The following POLN variants were observed in gnomAD, a reference collection of about 807,000 sequenced individuals.
The protein encoded by POLN is DNA polymerase N.
A neutral mutation model predicts 113.5 loss-of-function variants in POLN; 108 were observed. That is an observed-to-expected ratio of 0.95 (90% CI 0.81 to 1.12). POLN has a LOEUF of 1.12. POLN is among the 50% of genes most tolerant of loss of function. The pLI is 0.00. For missense variants in POLN, 1,097 were observed against 1,077.1 expected (o/e 1.02, Z -0.26); for synonymous variants, 386 against 391.5 (o/e 0.99, Z 0.17).
chr4:2,156,042 C>G (rs890335361), intron 16 of POLN, among the ~76,000 whole-genome samples: 1 of 152,084 alleles, frequency 6.6e-6, no homozygotes, highest in Non-Finnish European at 1.5e-5. Context: ...ACCATATTGG[C>G]CAGGCTGGTC....
chr4:2,168,072 A>T (rs1167239842), intron 13 of POLN, among the ~76,000 whole-genome samples: 1 of 152,224 alleles, frequency 6.6e-6, no homozygotes, highest in Non-Finnish European at 1.5e-5. Context: ...TCAAAACTTG[A>T]AGGGTTCATT....
At chr4:2,131,125 C>G in intron 17 of POLN, 108 bp downstream of exon 17, 3 of 742,370 alleles carry the variant, frequency 4.0e-6, no homozygotes, top group Non-Finnish European at 6.7e-6. Flanking sequence ...GTCAAGGCTG[C>G]AGTGAGCTGT....
chr4:2,170,943 A>T (rs79239411), intron 12 of POLN, among the ~76,000 whole-genome samples, 155 bp downstream of exon 12: 6,130 of 152,292 alleles, frequency 0.04, 445 homozygotes, highest in African/African-American at 0.14. Context: ...GCTTTGAAGT[A>T]ATGAATCTCA....
At chr4:2,092,476 C>T (rs1021468741) in intron 20 of POLN, among the ~76,000 whole-genome samples, 3 of 152,164 alleles carry the variant, frequency 2.0e-5, no homozygotes, top group Non-Finnish European at 4.4e-5. Flanking sequence ...TGTGAGCCAG[C>T]CTCTGGGGTC....
At position 2,072,192 on chromosome 4, in the gene POLN, G is replaced by A; in HGVS notation, c.2625C>T (p.Ser875=). 1.2e-6 allele frequency: 2 copies of A among 1,610,972 alleles called. No individual in the cohort carries two copies. Among genetic ancestry groups the A allele is most frequent in the Non-Finnish European group, 1.7e-6 (2 of 1,178,510 alleles). ...PPGPCRTESP[S]NSLAAPGSPA... ...GGGACCCAGGGGCAGCCAGGCTGTT[G>A]CTGGGAGACTCAGTGCGACATGGGC... Residue 875 remains serine (S), a synonymous_variant, in exon 26 of 26, where the codon AGC becomes AGT. Coordinates refer to ENST00000511885, the MANE Select transcript of POLN (RefSeq NM_181808.4).
At position 2,157,824 on chromosome 4, in the gene POLN, C is replaced by G. The variant is rs1338953145; in HGVS notation, c.1665+34G>C. On this transcript the variant is annotated intron_variant, in intron 15 of 25. Coordinates refer to ENST00000511885, the MANE Select transcript of POLN (RefSeq NM_181808.4). ...TCTGAACTCATACAAAAACCACAGT[C>G]CTAATCACAGTATCTTTTTGTAAAG... 2.0e-6 allele frequency: 3 copies of G among 1,515,302 alleles called. No homozygotes were observed. The African/African-American group carries it at 4.1e-5, about 21-fold the overall frequency. 93.9% of individuals were successfully genotyped at this position (1,515,302 alleles called of 1,614,324 possible). A position where few individuals can be genotyped will look rare whatever the true frequency, so the allele number is the denominator to read the frequency against.
At chr4:2,162,930 G>A (rs1265248378) in intron 13 of POLN, among the ~76,000 whole-genome samples, 2 of 145,024 alleles carry the variant, frequency 1.4e-5, no homozygotes, top group African/African-American at 2.6e-5. Flanking sequence ...AATAGACTAT[G>A]TCCTTAAATA....
At chr4:2,161,777 T>C (rs1577732216) in intron 13 of POLN, among the ~76,000 whole-genome samples, 1 of 152,150 alleles carries the variant, frequency 6.6e-6, no homozygotes, top group South Asian at 2.1e-4. Context: ...AGCTCAGGGG[T>C]TGTAAATACA....
rs769314396 is a variant in POLN at position 2,170,713 on chromosome 4, C to G, written c.1520G>C (p.Gly507Ala). Residue 507 changes from glycine (G) to alanine (A), a missense_variant, in exon 13 of 26, where the codon GGG becomes GCG. Gly to Ala is a moderately conservative substitution (Grantham distance 60). Transcript: ENST00000511885. ...LSQRNSLPRT[G>A]LQKYPSTSEA... ...TGATGTAGACGGGTATTTCTGCAAC[C>G]CCGTTCTGGGGAGACTGTTCCTTTG... 43 of 1,614,018 alleles carry G rather than the reference C, an allele frequency of 2.7e-5. No homozygotes were observed. Among genetic ancestry groups the G allele is most frequent in the Non-Finnish European group, 3.6e-5 (42 of 1,180,032 alleles).
chr4:2,152,825 G>A (rs1282635759), intron 16 of POLN, among the ~76,000 whole-genome samples: 1 of 152,202 alleles, frequency 6.6e-6, no homozygotes, highest in Non-Finnish European at 1.5e-5. Flanking sequence ...CAGTACAGGG[G>A]AAAGTCACCA....
chr4:2,137,320 G>A (rs554399), intron 16 of POLN, among the ~76,000 whole-genome samples: 130,875 of 152,174 alleles, frequency 0.86, 57,287 homozygotes, highest in Non-Finnish European at 0.95. Flanking sequence ...TTGCCTCCAG[G>A]GTCCGCCAGA....
intron 19 of POLN, among the ~76,000 whole-genome samples, chr4:2,097,197 G>C (rs1300755374): frequency 6.6e-6 from 1 of 152,210 alleles, no homozygotes; most frequent in Non-Finnish European, 1.5e-5. Context: ...CCTTCAGGCA[G>C]CCACCAGACT....
chr4:2,202,443 A>G (rs1644587549), intron 5 of POLN, among the ~76,000 whole-genome samples: 1 of 152,132 alleles, frequency 6.6e-6, no homozygotes, highest in African/African-American at 2.4e-5. Flanking sequence ...AAAAAAGACA[A>G]AGAGGAGACC....
intron 3 of POLN, among the ~76,000 whole-genome samples, chr4:2,223,374 C>T (rs1310137079): frequency 1.3e-5 from 2 of 152,250 alleles, no homozygotes; most frequent in South Asian, 4.1e-4. Flanking sequence ...AGATAGGCAG[C>T]AGCATTAGAT....
intron 4 of POLN, among the ~76,000 whole-genome samples, chr4:2,212,261 G>A (rs1251945943): frequency 6.6e-6 from 1 of 152,164 alleles, no homozygotes; most frequent in Non-Finnish European, 1.5e-5. Context: ...TTATAGCCCT[G>A]CCTTTCTGAA....
chr4:2,189,438 G>C (rs990797781), intron 7 of POLN, among the ~76,000 whole-genome samples: 4 of 151,780 alleles, frequency 2.6e-5, no homozygotes, highest in Admixed American at 2.6e-4. Flanking sequence ...AGGAGAACGA[G>C]ACCATCCTGG....
chr4:2,164,433 G>A (rs1732675748), intron 13 of POLN, among the ~76,000 whole-genome samples: 3 of 150,994 alleles, frequency 2.0e-5, no homozygotes, highest in Admixed American at 2.0e-4. Context: ...CCCGGGAGGT[G>A]GAGGTTGCCG....
At chr4:2,188,103 G>A (rs538868302) in intron 7 of POLN, among the ~76,000 whole-genome samples, 16 of 152,186 alleles carry the variant, frequency 1.1e-4, no homozygotes, top group African/African-American at 3.9e-4. Flanking sequence ...GTGACAGAGT[G>A]AGACCCCATC....
intron 19 of POLN, among the ~76,000 whole-genome samples, chr4:2,111,125 A>T (rs1309735242): frequency 2.6e-5 from 4 of 152,194 alleles, no homozygotes; most frequent in Admixed American, 6.5e-5. Flanking sequence ...TATAAACAGA[A>T]CCAAAGACAA....
Sources: gnomAD v4.1 joint callset for allele counts (sites outside exome capture counted in the v4.1 genomes callset) on GRCh38, gnomAD v4.1.1 for gene constraint, MANE v1.5 for transcripts, NCBI Gene and HGNC (gene_info 2026-07-23, HGNC 2026-07-21) for gene names.